Variants in GPC1 observed in about 807,000 individuals in gnomAD.
GPC1 encodes glypican-1.
A neutral mutation model predicts 51.5 loss-of-function variants in GPC1; 26 were observed. The observed-to-expected ratio is 0.50, with a 90% CI of 0.37 to 0.70. GPC1 has a LOEUF of 0.70. Among genes scored for constraint, GPC1 ranks in the 30% least tolerant of loss-of-function variants. The probability of loss-of-function intolerance (pLI) is 0.00; values close to 1 mark genes in which losing one functional copy is unlikely to be tolerated. For missense variants in GPC1, 775 were observed against 800.5 expected (o/e 0.97, Z 0.38); for synonymous variants, 380 against 348.3 (o/e 1.09, Z -1.01).
chr2:240,436,552 C>G (rs2151783933), intron 1 of GPC1, among the ~76,000 whole-genome samples: 1 of 152,332 alleles, frequency 6.6e-6, no homozygotes, highest in South Asian at 2.1e-4. Flanking sequence ...CCGCGGACCC[C>G]TTCTGCTCTG....
intron 1 of GPC1, chr2:240,457,451 C>T (rs1410074006): frequency 2.1e-6 from 1 of 470,612 alleles, no homozygotes; most frequent in Non-Finnish European, 4.4e-6. Context: ...TCAGTCTGAC[C>T]CAGGCATTCA....
chr2:240,458,791 C>T (rs2151795170), intron 1 of GPC1: 1 of 526,452 alleles, frequency 1.9e-6, no homozygotes, highest in East Asian at 3.1e-5. Flanking sequence ...GCCTCCTGCC[C>T]TGTAGAGGCA....
At chr2:240,465,373 G>A (rs1199273684) in intron 7 of GPC1, 100 bp from the exon 8 acceptor site, 6 of 1,364,784 alleles carry the variant, frequency 4.4e-6, no homozygotes, top group African/African-American at 1.4e-5. Flanking sequence ...GGAAGCTGCT[G>A]GGCATCTCAG....
At chr2:240,446,961 G>A (rs1014541743) in intron 1 of GPC1, among the ~76,000 whole-genome samples, 8 of 152,180 alleles carry the variant, frequency 5.3e-5, no homozygotes, top group African/African-American at 1.9e-4. Flanking sequence ...CCGAGCCCGA[G>A]CATCTCATCC....
chr2:240,445,919 G>A (rs1024300716), intron 1 of GPC1, among the ~76,000 whole-genome samples: 1 of 152,204 alleles, frequency 6.6e-6, no homozygotes, highest in Non-Finnish European at 1.5e-5. Flanking sequence ...AAGCACGTGC[G>A]TTGCCACCTC....
chr2:240,457,996 C>T (rs1377830323), intron 1 of GPC1: 2 of 468,276 alleles, frequency 4.3e-6, no homozygotes. Flanking sequence ...ACCAGGAGGG[C>T]CTTAGAGGCG....
At chr2:240,456,229 A>C (rs576703622) in intron 1 of GPC1, 83 of 254,850 alleles carry the variant, frequency 3.3e-4, no homozygotes, top group African/African-American at 1.8e-3. Context: ...AGCCCCTCAG[A>C]ACCTGCAGGT....
At chr2:240,438,992 G>A (rs146257586) in intron 1 of GPC1, among the ~76,000 whole-genome samples, 286 of 152,330 alleles carry the variant, frequency 1.9e-3, no homozygotes, top group Non-Finnish European at 3.5e-3. Flanking sequence ...CCCTCATGCT[G>A]AATCACTGCC....
intron 1 of GPC1, chr2:240,453,022 G>A (rs1489390730): frequency 1.1e-5 from 4 of 349,842 alleles, no homozygotes; most frequent in Non-Finnish European, 2.2e-5. Flanking sequence ...GCTGCGAAGG[G>A]GGTCCCGCGT....
chr2:240,459,380 G>T (rs1027239471), intron 2 of GPC1, among the ~76,000 whole-genome samples, 192 bp downstream of exon 2: 1 of 152,138 alleles, frequency 6.6e-6, no homozygotes, highest in Non-Finnish European at 1.5e-5. Flanking sequence ...CTCAGGCAGG[G>T]ATCTGCAGGG....
intron 1 of GPC1, 27 bp downstream of exon 1, chr2:240,436,111 C>G (rs1481460405): frequency 5.6e-6 from 7 of 1,244,690 alleles, no homozygotes; most frequent in Non-Finnish European, 3.0e-6. Flanking sequence ...CGCCGGGAAC[C>G]CGGGCCTGGC....
At chr2:240,458,810 CTT>C (rs1173021600) in intron 1 of GPC1, 2 of 555,834 alleles carry the variant, frequency 3.6e-6, no homozygotes, top group Middle Eastern at 4.8e-4. Context: ...CAGCCGTGCT[CTT>C]GTGTCACGTG....
At chr2:240,465,437 G>A (rs370845517) in intron 7 of GPC1, 36 bp from the exon 8 acceptor site, 1 of 1,600,180 alleles carries the variant, frequency 6.2e-7, no homozygotes, top group Admixed American at 1.7e-5. Flanking sequence ...GCAGGGGCTG[G>A]AGCAGTGACC....
In GPC1 at chr2:240,459,043, G is replaced by T. The variant is rs1228604686; in HGVS notation, c.180G>T (p.Arg60=). 1.2e-6 allele frequency: 2 copies of T among 1,612,688 alleles called. No homozygotes were observed. Among genetic ancestry groups the T allele is most frequent in the African/African-American group, 1.3e-5 (1 of 74,926 alleles). The change falls in exon 2 of 9, where the codon CGG becomes CGT. Residue 60 remains arginine (R), a synonymous_variant. Transcript: ENST00000264039. ...PQAEISGEHL[R]ICPQGYTCCT... is the part of the protein sequence containing the mutation. ...CTTTCCCCACAGGTGAGCACCTGCG[G>T]ATCTGTCCCCAGGGCTACACCTGCT...
At chr2:240,441,704 GGGA>G (rs1213640832) in intron 1 of GPC1, among the ~76,000 whole-genome samples, 6 of 152,342 alleles carry the variant, frequency 3.9e-5, no homozygotes, top group African/African-American at 1.4e-4. Context: ...TTCTTTGTCT[GGGA>G]ACAGGCCTGG....
chr2:240,461,524 C>CT (rs2074215881), intron 2 of GPC1, among the ~76,000 whole-genome samples: 1 of 152,136 alleles, frequency 6.6e-6, no homozygotes, highest in African/African-American at 2.4e-5. Context: ...ATGTGGAGGT[C>CT]TGAGGGTGAG....
intron 1 of GPC1, chr2:240,456,835 G>A (rs192073903): frequency 7.4e-4 from 236 of 320,394 alleles, no homozygotes; most frequent in African/African-American, 4.1e-3. Context: ...GGTCCCTGGC[G>A]AGTGTACCTG....
intron 1 of GPC1, among the ~76,000 whole-genome samples, chr2:240,456,423 T>A (rs1489751771): frequency 6.6e-6 from 1 of 152,034 alleles, no homozygotes; most frequent in African/African-American, 2.4e-5. Flanking sequence ...TGAGCCCTAG[T>A]CCTGAGTCTT....
At chr2:240,456,361 G>A (rs528107745) in intron 1 of GPC1, among the ~76,000 whole-genome samples, 403 of 152,236 alleles carry the variant, frequency 2.6e-3, no homozygotes, top group African/African-American at 9.3e-3. Flanking sequence ...CGAGGGAGGG[G>A]CACAGGAGGA....
Sources: allele counts gnomAD v4.1 joint callset (sites outside exome capture counted in the v4.1 genomes callset), GRCh38; gene constraint gnomAD v4.1.1; transcripts MANE v1.5; gene names NCBI Gene and HGNC (gene_info 2026-07-23, HGNC 2026-07-21).